MBOAT2: variants seen among roughly 807,000 people sequenced by gnomAD.
MBOAT2 encodes the protein membrane bound glycerophospholipid O-acyltransferase 2, also known as membrane-bound glycerophospholipid O-acyltransferase 2.
Under a neutral mutation model 63.4 loss-of-function variants are expected in MBOAT2, and 28 were observed. The ratio of observed to expected loss-of-function variants is 0.44; its 90% confidence interval spans 0.33 to 0.61. The LOEUF (loss-of-function observed/expected upper bound fraction) is 0.61. Ranked by LOEUF, MBOAT2 falls within the 20% of genes least tolerant of loss-of-function variation. The pLI, the probability that MBOAT2 is intolerant of heterozygous loss-of-function variation, is 0.03. For missense variants in MBOAT2, 470 were observed against 605.8 expected (o/e 0.78, Z 2.35); for synonymous variants, 211 against 215.6 (o/e 0.98, Z 0.19).
chr2:8,880,774 G>A (rs538595301), intron 6 of MBOAT2, among the ~76,000 whole-genome samples: 1 of 152,358 alleles, frequency 6.6e-6, no homozygotes, highest in South Asian at 2.1e-4. Flanking sequence ...AGGTATTTCA[G>A]AAGAGTGGCC....
chr2:8,956,797 A>G (rs778941927), intron 2 of MBOAT2, among the ~76,000 whole-genome samples: 4 of 152,242 alleles, frequency 2.6e-5, no homozygotes, highest in Non-Finnish European at 5.9e-5. Flanking sequence ...ACATTGTGTT[A>G]TAAGGCATCC....
chr2:8,999,351 T>A (rs903208946), intron 1 of MBOAT2, among the ~76,000 whole-genome samples: 1 of 151,958 alleles, frequency 6.6e-6, no homozygotes, highest in African/African-American at 2.4e-5. Flanking sequence ...CAGAAAATGG[T>A]TAAAAAGGCA....
chr2:8,935,180 C>T (rs1417513047), intron 3 of MBOAT2, among the ~76,000 whole-genome samples: 2 of 152,140 alleles, frequency 1.3e-5, no homozygotes, highest in African/African-American at 4.8e-5. Flanking sequence ...CAGAGAACAC[C>T]AGGAGACTAC....
At chr2:8,945,686 G>A (rs1224426279) in intron 2 of MBOAT2, among the ~76,000 whole-genome samples, 4 of 152,064 alleles carry the variant, frequency 2.6e-5, no homozygotes, top group African/African-American at 4.8e-5. Flanking sequence ...ATGGGCTGTG[G>A]ATCATCATCT....
At chr2:8,914,538 C>T (rs1056991631) in intron 3 of MBOAT2, among the ~76,000 whole-genome samples, 2 of 150,520 alleles carry the variant, frequency 1.3e-5, no homozygotes, top group African/African-American at 4.9e-5. Flanking sequence ...ACGAGCTATA[C>T]GGAATTGAAA....
rs959180693 is a variant in MBOAT2 at position 8,958,131 on chromosome 2, G to A, written c.221+366C>T. On this transcript the variant is annotated intron_variant, in intron 2 of 12. Coordinates refer to ENST00000305997, the MANE Select transcript of MBOAT2 (RefSeq NM_138799.4). ...CATAGTCTTTATCAGGCTCTTAAAA[G>A]CTACTTGCCCAGAGAAAAAACAGGC... Among the ~76,000 whole-genome samples the A allele has an allele frequency of 2.0e-4, 31 of 152,234 alleles. No homozygotes were observed. The South Asian group carries it at 3.1e-3, about 15-fold the overall frequency.
rs1669930888 is a variant in MBOAT2, at chr2:8,965,713, T to C, written c.76-7071A>G. On this transcript the variant is annotated intron_variant, in intron 1 of 12. Transcript: ENST00000305997. ...GGTATTTAAAATGCATATCAAACCA[T>C]ACACTTATATGTAATTGAGCAATCT... Among the ~76,000 whole-genome samples the C allele has an allele frequency of 2.6e-5, 4 of 152,164 alleles. 1 individual carries two copies. The highest frequency in any genetic ancestry group is 2.6e-4 in the Admixed American group (4 of 15,266).
intron 2 of MBOAT2, among the ~76,000 whole-genome samples, chr2:8,958,209 T>C (rs1028873611): frequency 2.0e-5 from 3 of 152,126 alleles, no homozygotes; most frequent in African/African-American, 7.2e-5. Flanking sequence ...ATTTGCAAAA[T>C]AGGTGTAAAG....
intron 6 of MBOAT2, among the ~76,000 whole-genome samples, chr2:8,881,709 T>G (rs1000115984): frequency 2.6e-5 from 4 of 152,124 alleles, no homozygotes; most frequent in African/African-American, 9.7e-5. Context: ...ACATAAAGAT[T>G]GACTATAGGG....
chr2:8,933,025 T>C (rs1667433088), intron 3 of MBOAT2, among the ~76,000 whole-genome samples: 1 of 152,210 alleles, frequency 6.6e-6, no homozygotes, highest in African/African-American at 2.4e-5. Flanking sequence ...GCTTCTTTTC[T>C]CACAAAACTT....
At chr2:8,877,533 A>G (rs1442089704) in intron 6 of MBOAT2, among the ~76,000 whole-genome samples, 1 of 152,174 alleles carries the variant, frequency 6.6e-6, no homozygotes, top group African/African-American at 2.4e-5. Flanking sequence ...TCTAACAAAC[A>G]CGTGCTGTGC....
chr2:8,860,852 T>G, intron 11 of MBOAT2, 88 bp from the exon 12 acceptor site: 1 of 1,065,486 alleles, frequency 9.4e-7, no homozygotes, highest in Non-Finnish European at 1.3e-6. Context: ...GTTGGAAGGA[T>G]GTGGAGTAGA....
chr2:8,952,257 T>A (rs547598104), intron 2 of MBOAT2, among the ~76,000 whole-genome samples: 10 of 152,358 alleles, frequency 6.6e-5, no homozygotes, highest in Admixed American at 3.3e-4. Context: ...TTGATTTCCA[T>A]TTTTATTCAA....
At chr2:8,896,762 C>T (rs1664507422) in intron 4 of MBOAT2, among the ~76,000 whole-genome samples, 1 of 152,220 alleles carries the variant, frequency 6.6e-6, no homozygotes, top group African/African-American at 2.4e-5. Flanking sequence ...CCTAACTCTG[C>T]TTCTGTAATA....
Position 8,996,723 on chromosome 2 carries a change from C to G in MBOAT2, c.75+6817G>C, listed in dbSNP as rs1429538016. ...ACATCTAGTGCAGCTGGCTCGGGAA[C>G]TTCGCTATTCCTTGCTGATTTCCCA... On this transcript the variant is annotated intron_variant, in intron 1 of 12. Coordinates refer to ENST00000305997, the MANE Select transcript of MBOAT2 (RefSeq NM_138799.4). Among the ~76,000 whole-genome samples, 6 of 152,204 alleles carry G rather than the reference C, an allele frequency of 3.9e-5. 1 individual carries two copies. Among genetic ancestry groups the G allele is most frequent in the Admixed American group, 3.9e-4 (6 of 15,286 alleles).
intron 2 of MBOAT2, 71 bp from the exon 3 acceptor site, chr2:8,943,335 T>C (rs1366403553): frequency 6.7e-6 from 6 of 889,948 alleles, no homozygotes; most frequent in Middle Eastern, 2.9e-4. Context: ...TGAATTAAGC[T>C]AAAAAATACT....
In MBOAT2 at chr2:9,003,678, C is replaced by T. The variant is rs1222718609; in HGVS notation, c.-64G>A. 1 of 1,044,746 alleles carries T rather than the reference C, an allele frequency of 9.6e-7. No individual in the cohort carries two copies. Among genetic ancestry groups the T allele is most frequent in the Non-Finnish European group, 1.2e-6 (1 of 854,944 alleles). 64.7% of individuals were successfully genotyped at this position (1,044,746 alleles called of 1,614,324 possible). A position where few individuals can be genotyped will look rare whatever the true frequency, so the allele number is the denominator to read the frequency against. On this transcript the variant is annotated 5_prime_UTR_variant, in exon 1 of 13. Transcript: ENST00000305997. This position sits in a 1 kb window ranked among gnomAD's most constrained non-coding sequence, Gnocchi z 5.4. ...CCGCTCGCGCTGTGCCGGGCGACGA[C>T]GAGGATGGGGATGCAGCGGCGCGCC...
At chr2:8,994,152 G>A (rs1672108296) in intron 1 of MBOAT2, among the ~76,000 whole-genome samples, 1 of 152,152 alleles carries the variant, frequency 6.6e-6, no homozygotes, top group African/African-American at 2.4e-5. Flanking sequence ...TGCCAAGAAT[G>A]GTCCTAGGCA....
intron 4 of MBOAT2, among the ~76,000 whole-genome samples, chr2:8,890,811 G>A (rs1287531537): frequency 3.3e-5 from 5 of 152,176 alleles, no homozygotes; most frequent in East Asian, 3.8e-4. Context: ...GTGAGCCACC[G>A]TGCCTGGCCA....
Sources: allele counts gnomAD v4.1 joint callset (sites outside exome capture counted in the v4.1 genomes callset), GRCh38; gene constraint gnomAD v4.1.1; non-coding constraint Gnocchi (gnomAD v3.1); transcripts MANE v1.5; gene names NCBI Gene and HGNC (gene_info 2026-07-23, HGNC 2026-07-21).